The following DLGAP1 variants were observed in gnomAD, a reference collection of about 807,000 sequenced individuals.
DLGAP1 encodes DLG associated protein 1.
Under a neutral mutation model 90.8 loss-of-function variants are expected in DLGAP1, and 11 were observed. The observed-to-expected ratio is 0.12, with a 90% CI of 0.08 to 0.20. The LOEUF is 0.20. Ranked by LOEUF, DLGAP1 falls within the 10% of genes least tolerant of loss-of-function variation. The probability of loss-of-function intolerance (pLI) is 1.00; values close to 1 mark genes in which losing one functional copy is unlikely to be tolerated. For synonymous variants in DLGAP1, 558 were observed against 540.7 expected (o/e 1.03, Z -0.44); for missense variants, 1,050 against 1,333.8 (o/e 0.79, Z 3.31).
chr18:4,138,540 G>A (rs2076444293), intron 2 of DLGAP1, among the ~76,000 whole-genome samples: 1 of 151,974 alleles, frequency 6.6e-6, no homozygotes, highest in Non-Finnish European at 1.5e-5. Flanking sequence ...TGGATTGCTA[G>A]CATTTCAGTG....
chr18:3,791,804 C>T (rs892231140), intron 5 of DLGAP1, among the ~76,000 whole-genome samples: 1 of 152,090 alleles, frequency 6.6e-6, no homozygotes, highest in Non-Finnish European at 1.5e-5. Flanking sequence ...CTCACCTACT[C>T]GGGAGGCTGA....
intron 1 of DLGAP1, among the ~76,000 whole-genome samples, chr18:4,423,884 T>C (rs2083095078): frequency 6.8e-6 from 1 of 147,848 alleles, no homozygotes; most frequent in Non-Finnish European, 1.5e-5. Context: ...TCAGGCACGT[T>C]GGCTCCCGCC....
At chr18:4,074,666 T>A (rs2075497687) in intron 2 of DLGAP1, among the ~76,000 whole-genome samples, 1 of 152,134 alleles carries the variant, frequency 6.6e-6, no homozygotes, top group Admixed American at 6.6e-5. Context: ...AACATTTTAT[T>A]TATGGTGTCA....
chr18:4,388,646 G>C (rs2144397619), intron 1 of DLGAP1, among the ~76,000 whole-genome samples: 1 of 152,198 alleles, frequency 6.6e-6, no homozygotes, highest in Non-Finnish European at 1.5e-5. Context: ...CTTTATCACA[G>C]TCTTTACAAA....
intron 1 of DLGAP1, among the ~76,000 whole-genome samples, chr18:4,318,832 T>C (rs911123154): frequency 2.0e-5 from 3 of 152,158 alleles, no homozygotes; most frequent in African/African-American, 7.2e-5. Flanking sequence ...ATCAAAAACA[T>C]TTTACAGGGC....
chr18:4,127,033 T>C (rs1025945195), intron 2 of DLGAP1, among the ~76,000 whole-genome samples: 1 of 152,230 alleles, frequency 6.6e-6, no homozygotes, highest in Non-Finnish European at 1.5e-5. Context: ...TCATATTTTG[T>C]ATCCCTGATC....
At chr18:3,977,434 G>GTGTTTTTTTTTTTTTTTTTTTTTTTTTT (rs1555718019) in intron 3 of DLGAP1, among the ~76,000 whole-genome samples, 9 of 95,332 alleles carry the variant, frequency 9.4e-5, no homozygotes, top group African/African-American at 3.3e-4. Context: ...TTTATTCTGT[G>GTGTTTTTTTTTTTTTTTTTTTTTTTTTT]TTTTTTTTTT....
chr18:4,007,794 G>A (rs980010794), intron 2 of DLGAP1, among the ~76,000 whole-genome samples: 2 of 152,164 alleles, frequency 1.3e-5, no homozygotes, highest in African/African-American at 4.8e-5. Flanking sequence ...CTTATGTCAA[G>A]GATTTATAAA....
At chr18:3,851,305 T>C (rs1372438287) in intron 4 of DLGAP1, among the ~76,000 whole-genome samples, 3 of 152,176 alleles carry the variant, frequency 2.0e-5, no homozygotes, top group Non-Finnish European at 4.4e-5. Context: ...AAAGTGTTAC[T>C]GAAAGTGACG....
Position 3,729,121 on chromosome 18 carries a change from G to T in DLGAP1, c.1591+14C>A. 6.3e-7 allele frequency: 1 copy of T among 1,591,796 alleles called. No individual in the cohort carries two copies. The highest frequency in any genetic ancestry group is 1.3e-5 in the African/African-American group (1 of 74,696). The stretch of plus-strand genomic sequence containing the variant: ...AGCACAGGGGCCAGGCTGGCTGAGG[G>T]CCCGCGCACTCACCCGTGCTGCTCT... On this transcript the variant is annotated intron_variant, in intron 7 of 12. Coordinates refer to ENST00000315677, the MANE Select transcript of DLGAP1 (RefSeq NM_004746.4). The surrounding 1 kb of genome is among the most constrained non-coding windows in gnomAD (Gnocchi z 6.2).
chr18:3,603,085 C>G (rs941674217), intron 7 of DLGAP1: 1 of 152,150 alleles, frequency 6.6e-6, no homozygotes, highest in Non-Finnish European at 1.5e-5. Flanking sequence ...AAATGAATTA[C>G]CAATAAAGGG....
intron 3 of DLGAP1, among the ~76,000 whole-genome samples, chr18:3,954,593 G>A (rs954413382): frequency 2.0e-5 from 3 of 152,218 alleles, no homozygotes; most frequent in African/African-American, 7.2e-5. Flanking sequence ...ACAGCATTGT[G>A]TTCAAATAAA....
At chr18:4,337,028 G>C (rs2081083275) in intron 1 of DLGAP1, among the ~76,000 whole-genome samples, 2 of 150,708 alleles carry the variant, frequency 1.3e-5, no homozygotes, top group African/African-American at 4.9e-5. Flanking sequence ...GTAGGAGAAT[G>C]GCATGAACCC....
chr18:3,828,135 C>T (rs2067822252), intron 4 of DLGAP1, among the ~76,000 whole-genome samples: 1 of 152,164 alleles, frequency 6.6e-6, no homozygotes, highest in African/African-American at 2.4e-5. Context: ...TAAACACAGA[C>T]CTGCATGTCT....
chr18:4,117,424 C>G (rs1390965320), intron 2 of DLGAP1, among the ~76,000 whole-genome samples: 1 of 152,146 alleles, frequency 6.6e-6, no homozygotes, highest in Admixed American at 6.5e-5. Flanking sequence ...CTCCTCCACC[C>G]CAGGGGGTTG....
chr18:3,504,007 A>G (rs2050080797), intron 11 of DLGAP1, among the ~76,000 whole-genome samples: 1 of 152,132 alleles, frequency 6.6e-6, no homozygotes. Flanking sequence ...GAGGCAAGAG[A>G]ATCGCTTGGA....
intron 1 of DLGAP1, among the ~76,000 whole-genome samples, chr18:4,381,783 C>A (rs182171932): frequency 6.6e-6 from 1 of 152,240 alleles, no homozygotes; most frequent in Admixed American, 6.5e-5. Flanking sequence ...GTTCCAGGCA[C>A]TTGCTTATTG....
At chr18:4,212,522 A>AAG (rs945255265) in intron 1 of DLGAP1, among the ~76,000 whole-genome samples, 3 of 151,160 alleles carry the variant, frequency 2.0e-5, no homozygotes, top group Non-Finnish European at 4.4e-5. Context: ...AAAAAAAAAA[A>AAG]AAATCCAGGT....
intron 1 of DLGAP1, among the ~76,000 whole-genome samples, chr18:4,326,817 T>C (rs1157395228): frequency 2.0e-5 from 3 of 151,952 alleles, no homozygotes; most frequent in East Asian, 3.9e-4. Flanking sequence ...ACATCGTTAC[T>C]AGGAGGAGAA....
Sources: allele counts gnomAD v4.1 joint callset (sites outside exome capture counted in the v4.1 genomes callset), GRCh38; gene constraint gnomAD v4.1.1; non-coding constraint Gnocchi (gnomAD v3.1); transcripts MANE v1.5; gene names NCBI Gene and HGNC (gene_info 2026-07-23, HGNC 2026-07-21).